MAGI2: variants seen among roughly 807,000 people sequenced by gnomAD.
MAGI2 encodes the protein membrane-associated guanylate kinase, WW and PDZ domain-containing protein 2.
Under a neutral mutation model 133.3 loss-of-function variants are expected in MAGI2, and 35 were observed. That is an observed-to-expected ratio of 0.26 (90% confidence interval 0.20 to 0.35). The LOEUF (loss-of-function observed/expected upper bound fraction) is 0.35, where lower values mean the gene tolerates loss of function less well. Ranked by LOEUF, MAGI2 falls within the 10% of genes least tolerant of loss-of-function variation. The pLI is 1.00. For missense variants in MAGI2, 1,636 were observed against 1,863.4 expected (o/e 0.88, Z 2.25); for synonymous variants, 729 against 710.6 (o/e 1.03, Z -0.41).
At chr7:78,383,345 C>T (rs368328059) in intron 6 of MAGI2, among the ~76,000 whole-genome samples, 38 of 152,066 alleles carry the variant, frequency 2.5e-4, no homozygotes, top group South Asian at 2.3e-3. Flanking sequence ...GGTTTTTATA[C>T]GCATTTCTCT....
chr7:78,258,282 T>C (rs765967504), intron 9 of MAGI2, among the ~76,000 whole-genome samples: 4 of 152,206 alleles, frequency 2.6e-5, no homozygotes, highest in African/African-American at 7.2e-5. Context: ...TGGGGATGCT[T>C]TGGGAATCGT....
intron 16 of MAGI2, among the ~76,000 whole-genome samples, chr7:78,137,982 A>C (rs1822342390): frequency 1.3e-5 from 2 of 152,228 alleles, no homozygotes; most frequent in South Asian, 4.1e-4. Flanking sequence ...TCCTTAACAA[A>C]TCATATGAAA....
At chr7:78,071,429 C>T (rs774044080) in intron 21 of MAGI2, among the ~76,000 whole-genome samples, 1 of 152,146 alleles carries the variant, frequency 6.6e-6, no homozygotes, top group Non-Finnish European at 1.5e-5. Context: ...CCCAGCTACT[C>T]AGGAGGCTGA....
chr7:78,184,610 T>C (rs545021811), intron 13 of MAGI2: 1 of 152,322 alleles, frequency 6.6e-6, no homozygotes, highest in African/African-American at 2.4e-5. Flanking sequence ...GCTTTCAATC[T>C]GGTGGTCTGA....
intron 10 of MAGI2, among the ~76,000 whole-genome samples, chr7:78,217,566 G>A (rs1187542010): frequency 6.6e-6 from 1 of 152,156 alleles, no homozygotes; most frequent in East Asian, 1.9e-4. Flanking sequence ...AGGCAGGAAA[G>A]GGATGACTAC....
At chr7:79,228,064 G>T (rs920551763) in intron 1 of MAGI2, among the ~76,000 whole-genome samples, 1 of 152,026 alleles carries the variant, frequency 6.6e-6, no homozygotes, top group African/African-American at 2.4e-5. Context: ...ACTGCTGAAG[G>T]CTAGGTGCCT....
At chr7:78,759,063 G>A (rs1412815467) in intron 2 of MAGI2, among the ~76,000 whole-genome samples, 1 of 152,056 alleles carries the variant, frequency 6.6e-6, no homozygotes, top group African/African-American at 2.4e-5. Context: ...CATCCACAAA[G>A]TGATGACTTC....
chr7:78,235,344 G>A (rs1790417077), intron 10 of MAGI2, among the ~76,000 whole-genome samples: 1 of 152,124 alleles, frequency 6.6e-6, no homozygotes, highest in Non-Finnish European at 1.5e-5. Flanking sequence ...GCAGGAAATA[G>A]GTTTATAGAA....
intron 1 of MAGI2, among the ~76,000 whole-genome samples, chr7:79,258,826 C>T (rs1038582399): frequency 3.3e-5 from 5 of 152,208 alleles, no homozygotes; most frequent in African/African-American, 1.2e-4. Flanking sequence ...ACCTCTTTGA[C>T]AGATGAGGAA....
intron 2 of MAGI2, among the ~76,000 whole-genome samples, chr7:78,846,950 T>C (rs1210907156): frequency 1.4e-4 from 21 of 151,896 alleles, no homozygotes; most frequent in Admixed American, 1.3e-3. Flanking sequence ...CCCCAGGTGG[T>C]CCTTATATAG....
chr7:79,353,554 G>A (rs888846989), intron 1 of MAGI2: 6 of 450,138 alleles, frequency 1.3e-5, no homozygotes, highest in South Asian at 7.8e-5. Context: ...CTTCAAGGCA[G>A]TGATGTTTCT....
intron 9 of MAGI2, among the ~76,000 whole-genome samples, chr7:78,342,657 C>T (rs1364382573): frequency 6.6e-6 from 1 of 152,170 alleles, no homozygotes; most frequent in African/African-American, 2.4e-5. Context: ...CTGTCCTTTG[C>T]AGAGACTTCG....
chr7:78,379,040 CAATT>C (rs1794694916), intron 6 of MAGI2, among the ~76,000 whole-genome samples: 1 of 151,790 alleles, frequency 6.6e-6, no homozygotes. Context: ...CATTAGAACA[CAATT>C]AAAAGCCATC....
intron 3 of MAGI2, among the ~76,000 whole-genome samples, chr7:78,612,771 G>C (rs1806603246): frequency 6.6e-6 from 1 of 151,994 alleles, no homozygotes; most frequent in Non-Finnish European, 1.5e-5. Context: ...CCAGGTTCAT[G>C]CCATTCTCCT....
At chr7:78,804,167 C>G (rs1788313124) in intron 2 of MAGI2, among the ~76,000 whole-genome samples, 1 of 152,102 alleles carries the variant, frequency 6.6e-6, no homozygotes, top group Admixed American at 6.6e-5. Context: ...ACTACGTTTT[C>G]CAATATTTTC....
rs6466383 is a variant in MAGI2 at position 78,786,630 on chromosome 7, G to A, written c.419-159391C>T. Among the ~76,000 whole-genome samples the A allele has an allele frequency of 3.3e-3, 509 of 152,228 alleles. 1 individual carries two copies. The highest frequency in any genetic ancestry group is 0.011 in the African/African-American group (443 of 41,546). ...TGTTTGACGGCCCTCTGCCTAGAAC[G>A]GTCTTCTCTTAGGTATCTCTATGGC... On this transcript the variant is annotated intron_variant, in intron 2 of 21. Coordinates refer to ENST00000354212, the MANE Select transcript of MAGI2 (RefSeq NM_012301.4).
chr7:78,629,169 C>T (rs1408410408), intron 2 of MAGI2, among the ~76,000 whole-genome samples: 7 of 152,144 alleles, frequency 4.6e-5, no homozygotes, highest in African/African-American at 1.7e-4. Flanking sequence ...TCAGTACTTT[C>T]GGTTCACTAA....
intron 1 of MAGI2, among the ~76,000 whole-genome samples, chr7:79,182,874 A>G (rs1239292329): frequency 6.6e-6 from 1 of 151,994 alleles, no homozygotes; most frequent in Non-Finnish European, 1.5e-5. Context: ...TGGCCATAAA[A>G]TGAATGAAAT....
intron 2 of MAGI2, among the ~76,000 whole-genome samples, chr7:78,676,261 G>A (rs1239379066): frequency 6.6e-6 from 1 of 152,150 alleles, no homozygotes; most frequent in Admixed American, 6.6e-5. Flanking sequence ...CTCATAATAT[G>A]TGGCTTCTGC....
Sources: allele counts gnomAD v4.1 joint callset (sites outside exome capture counted in the v4.1 genomes callset), GRCh38; gene constraint gnomAD v4.1.1; transcripts MANE v1.5; gene names NCBI Gene and HGNC (gene_info 2026-07-23, HGNC 2026-07-21).